Variants in RAB3IP observed in about 807,000 individuals in gnomAD.
RAB3IP encodes the protein RAB3A interacting protein.
Under a neutral mutation model 59.1 loss-of-function variants are expected in RAB3IP, and 36 were observed. The ratio of observed to expected loss-of-function variants is 0.61; its 90% CI spans 0.47 to 0.80. RAB3IP has a LOEUF of 0.80. RAB3IP is among the 30% of genes least tolerant of loss of function. The pLI is 0.00. For synonymous variants in RAB3IP, 207 were observed against 191.2 expected (o/e 1.08, Z -0.68); for missense variants, 511 against 536.0 (o/e 0.95, Z 0.46).
At chr12:69,744,139 C>T (rs1362057312) in intron 1 of RAB3IP, among the ~76,000 whole-genome samples, 5 of 151,972 alleles carry the variant, frequency 3.3e-5, no homozygotes, top group Admixed American at 1.3e-4. Flanking sequence ...TCCCCTAGCC[C>T]GCCACTCCCC....
In RAB3IP at chr12:69,814,318, C is replaced by A. The variant is rs547479898; in HGVS notation, c.1301-1046C>A. 5.5e-4 allele frequency among the ~76,000 whole-genome samples: 84 copies of A among 152,082 alleles called. 1 individual carries two copies. Among genetic ancestry groups the A allele is most frequent in the Admixed American group, 1.6e-3 (24 of 15,278 alleles). On this transcript the variant is annotated intron_variant, in intron 10 of 10. Coordinates refer to ENST00000247833, the MANE Select transcript of RAB3IP (RefSeq NM_022456.5). ...GGTGTTGATAATAAAAGTAGTATAT[C>A]TTCTCTGGTTTCTGTCACTCTTCCA... is the stretch of plus-strand genomic sequence containing the variant.
intron 8 of RAB3IP, among the ~76,000 whole-genome samples, chr12:69,806,894 G>A (rs185637014): frequency 4.6e-5 from 7 of 152,186 alleles, no homozygotes; most frequent in African/African-American, 1.2e-4. Flanking sequence ...ACGGGGTTGG[G>A]GGTAAGGTTA....
chr12:69,756,619 A>G lies in RAB3IP; in HGVS notation c.466A>G (p.Lys156Glu), dbSNP rs1401011246. ...CCCATCTGTTTTGGAAGTTAGAGAA[A>G]AGGGCTATGAACGATTAAAAGAAGA... ...RSPSVLEVRE[K>E]GYERLKEELA... The change falls in exon 3 of 11, where the codon AAG becomes GAG. Residue 156 changes from lysine (K) to glutamate (E), a missense_variant. By Grantham distance (56) the Lys-to-Glu change is moderately conservative (BLOSUM62 1). Coordinates refer to ENST00000247833, the MANE Select transcript of RAB3IP (RefSeq NM_022456.5). 1.2e-6 allele frequency: 2 copies of G among 1,613,930 alleles called. No homozygotes were observed. Among genetic ancestry groups the G allele is most frequent in the Non-Finnish European group, 1.7e-6 (2 of 1,179,936 alleles).
intron 3 of RAB3IP, among the ~76,000 whole-genome samples, chr12:69,772,660 A>G (rs1478153216): frequency 3.3e-5 from 5 of 152,208 alleles, no homozygotes. Context: ...GATCTCAAAG[A>G]AAAGAAAGAA....
At chr12:69,813,357 G>A (rs1304359589) in intron 10 of RAB3IP, among the ~76,000 whole-genome samples, 1 of 152,124 alleles carries the variant, frequency 6.6e-6, no homozygotes, top group South Asian at 2.1e-4. Flanking sequence ...TCATTGAATT[G>A]ACTCTTTAAG....
Position 69,795,254 on chromosome 12 carries a change from G to T in RAB3IP, c.798G>T (p.Gly266=), listed in dbSNP as rs1266307309. ...GTGGAAAGACACCTTTTAAAAAGGGGCATACAAGAAATAAAAGCACAAGCA... is the reference window on the plus strand; with the variant it reads ...GTGGAAAGACACCTTTTAAAAAGGGTCATACAAGAAATAAAAGCACAAGCA... ...LPGGKTPFKK[G]HTRNKSTSSA... Residue 266 remains glycine (G), a synonymous_variant, in exon 6 of 11, where the codon GGG becomes GGT. Coordinates refer to ENST00000247833, the MANE Select transcript of RAB3IP (RefSeq NM_022456.5). 3.1e-6 allele frequency: 5 copies of T among 1,614,008 alleles called. No homozygotes were observed. The highest frequency in any genetic ancestry group is 4.2e-6 in the Non-Finnish European group (5 of 1,179,966).
intron 1 of RAB3IP, among the ~76,000 whole-genome samples, chr12:69,741,507 T>TC (rs1448121920): frequency 2.0e-5 from 3 of 152,234 alleles, no homozygotes; most frequent in Admixed American, 1.3e-4. Flanking sequence ...TTTAAAAATA[T>TC]CCAAGTTTTC....
intron 4 of RAB3IP, among the ~76,000 whole-genome samples, chr12:69,792,404 A>C (rs1565910437): frequency 6.6e-6 from 1 of 152,182 alleles, no homozygotes; most frequent in South Asian, 2.1e-4. Context: ...AGCCACACTA[A>C]TTTGTGTATT....
Position 69,822,802 on chromosome 12 carries a change from T to G in RAB3IP, c.*7356T>G, listed in dbSNP as rs745960030. The G allele has an allele frequency of 6.6e-6, 1 of 152,224 alleles. No homozygotes were observed. Among genetic ancestry groups the G allele is most frequent in the Admixed American group, 6.5e-5 (1 of 15,286 alleles). The allele number at this position is 152,224 out of a possible 1,614,324, so 9.4% of individuals were successfully genotyped here. On this transcript the variant is annotated 3_prime_UTR_variant, in exon 11 of 11. Transcript: ENST00000247833. ...ACCCCATAAATATGTACAACTATTA[T>G]GTATCCATAAAAATTGGAAATAAAC...
intron 3 of RAB3IP, among the ~76,000 whole-genome samples, chr12:69,760,455 C>T (rs1338126915): frequency 2.6e-5 from 4 of 152,164 alleles, no homozygotes; most frequent in Non-Finnish European, 1.5e-5. Context: ...TCCAACTCTC[C>T]TCTTGCTCAG....
At chr12:69,760,363 G>T (rs1276471963) in intron 3 of RAB3IP, among the ~76,000 whole-genome samples, 1 of 152,242 alleles carries the variant, frequency 6.6e-6, no homozygotes, top group African/African-American at 2.4e-5. Context: ...ATCAGAGGGA[G>T]ACCGTGGAAA....
intron 1 of RAB3IP, chr12:69,739,719 G>A: frequency 2.2e-6 from 2 of 893,948 alleles, no homozygotes; most frequent in East Asian, 2.5e-5. Flanking sequence ...CTGCACGGGT[G>A]GGATTGCATG....
rs1439557565 is a variant in RAB3IP, at chr12:69,817,170, T to G, written c.*1724T>G. 6.6e-6 allele frequency: 1 copy of G among 152,196 alleles called. No homozygotes were observed. Among genetic ancestry groups the G allele is most frequent in the Admixed American group, 6.5e-5 (1 of 15,276 alleles). The allele number at this position is 152,196 out of a possible 1,614,324, so 9.4% of individuals were successfully genotyped here. ...GGTAATCAAATACTCAGAAAAAGTT[T>G]GTTGATGACTTAAAAAGGATAAATA... is the stretch of plus-strand genomic sequence containing the variant. On this transcript the variant is annotated 3_prime_UTR_variant, in exon 11 of 11. Coordinates refer to ENST00000247833, the MANE Select transcript of RAB3IP (RefSeq NM_022456.5).
intron 4 of RAB3IP, among the ~76,000 whole-genome samples, chr12:69,785,786 C>T (rs549964433): frequency 8.3e-4 from 127 of 152,254 alleles, no homozygotes; most frequent in African/African-American, 2.9e-3. Context: ...GTCAAGTTGA[C>T]GTACACAATA....
At chr12:69,748,463 A>G (rs1451504666) in intron 1 of RAB3IP, among the ~76,000 whole-genome samples, 1 of 152,246 alleles carries the variant, frequency 6.6e-6, no homozygotes, top group Admixed American at 6.5e-5. Context: ...ACCTTCAGTA[A>G]AGATTGGCTG....
chr12:69,810,458 T>C (rs575142933), intron 8 of RAB3IP, among the ~76,000 whole-genome samples: 2 of 152,298 alleles, frequency 1.3e-5, no homozygotes, highest in East Asian at 1.9e-4. Flanking sequence ...CCGTCTTCTG[T>C]GTGGCTCACG....
intron 1 of RAB3IP, among the ~76,000 whole-genome samples, chr12:69,750,295 T>C (rs1869035877): frequency 6.6e-6 from 1 of 152,174 alleles, no homozygotes; most frequent in African/African-American, 2.4e-5. Context: ...TCCCTTCCTC[T>C]CTCCCTGGAT....
chr12:69,761,740 A>G (rs1452240367), intron 3 of RAB3IP, among the ~76,000 whole-genome samples: 1 of 152,222 alleles, frequency 6.6e-6, no homozygotes, highest in Non-Finnish European at 1.5e-5. Flanking sequence ...AAGTGTTTGT[A>G]TACACACATG....
At chr12:69,744,785 A>G (rs1868260587) in intron 1 of RAB3IP, among the ~76,000 whole-genome samples, 1 of 152,066 alleles carries the variant, frequency 6.6e-6, no homozygotes, top group African/African-American at 2.4e-5. Context: ...CTGATTGACC[A>G]TTTGAGTAAT....
Sources: gnomAD v4.1 joint callset for allele counts (sites outside exome capture counted in the v4.1 genomes callset) on GRCh38, gnomAD v4.1.1 for gene constraint, MANE v1.5 for transcripts, NCBI Gene and HGNC (gene_info 2026-07-23, HGNC 2026-07-21) for gene names.